The following IL1RAPL1 variants were observed in gnomAD, a reference collection of about 807,000 sequenced individuals.
IL1RAPL1 encodes interleukin 1 receptor accessory protein like 1.
IL1RAPL1 carries 3 observed loss-of-function variants against 48.4 expected under a neutral mutation model. The ratio of observed to expected loss-of-function variants is 0.06; its 90% CI spans 0.03 to 0.16. The LOEUF is 0.16. Among genes scored for constraint, IL1RAPL1 ranks in the 10% least tolerant of loss-of-function variants. IL1RAPL1 has a pLI of 1.00. For synonymous variants in IL1RAPL1, 185 were observed against 187.7 expected (o/e 0.99, Z 0.12); for missense variants, 349 against 530.6 (o/e 0.66, Z 3.36).
At chrX:29,012,836 G>T (rs1926154986) in intron 2 of IL1RAPL1, among the ~76,000 whole-genome samples, 1 of 111,729 alleles carries the variant, frequency 9.0e-6, no homozygotes, top group Non-Finnish European at 1.9e-5. Context: ...ACACAATTCT[G>T]ACTGAAAAAT....
At chrX:29,882,270 A>G (rs1249536539) in intron 6 of IL1RAPL1, among the ~76,000 whole-genome samples, 1 of 111,776 alleles carries the variant, frequency 8.9e-6, no homozygotes, top group Non-Finnish European at 1.9e-5. Flanking sequence ...TGCTGCTAAC[A>G]TGACGAGCTT....
chrX:29,633,614 C>A (rs1340435459), intron 5 of IL1RAPL1, among the ~76,000 whole-genome samples: 1 of 111,823 alleles, frequency 8.9e-6, no homozygotes, highest in East Asian at 2.8e-4. Context: ...GAAATTTATT[C>A]CCTCACAGTG....
chrX:29,312,451 T>C (rs749002784), intron 3 of IL1RAPL1, among the ~76,000 whole-genome samples: 34 of 111,349 alleles, frequency 3.1e-4, no homozygotes, highest in Non-Finnish European at 5.7e-4. Flanking sequence ...TGCCTTTGCA[T>C]TTTTATTTCT....
intron 5 of IL1RAPL1, among the ~76,000 whole-genome samples, chrX:29,583,147 A>G (rs1435450121): frequency 4.0e-5 from 4 of 100,923 alleles, no homozygotes; most frequent in African/African-American, 1.1e-4. Context: ...ATTCCCTTTG[A>G]AAACTGGCAC....
At chrX:29,837,202 G>T (rs1346559750) in intron 6 of IL1RAPL1, among the ~76,000 whole-genome samples, 1 of 98,464 alleles carries the variant, frequency 1.0e-5, no homozygotes. Context: ...TGGGGAGCTT[G>T]CATTGAGCCG....
At chrX:29,064,490 C>G in intron 2 of IL1RAPL1, among the ~76,000 whole-genome samples, 1 of 111,165 alleles carries the variant, frequency 9.0e-6, no homozygotes, top group Middle Eastern at 4.7e-3. Flanking sequence ...AAGAATAAAT[C>G]CATGATGTAT....
chrX:29,881,717 G>A (rs1376148935), intron 6 of IL1RAPL1, among the ~76,000 whole-genome samples: 2 of 110,956 alleles, frequency 1.8e-5, no homozygotes, highest in Non-Finnish European at 3.8e-5. Context: ...CACTCTTAAA[G>A]GTATTTTAAG....
chrX:29,736,886 T>C lies in IL1RAPL1; in HGVS notation c.778+68382T>C, dbSNP rs764473145. Among the ~76,000 whole-genome samples the C allele has an allele frequency of 1.9e-4, 21 of 111,787 alleles. No homozygotes were observed. The South Asian group carries it at 7.8e-3, about 42-fold the overall frequency. On this transcript the variant is annotated intron_variant, in intron 6 of 10. Coordinates refer to ENST00000378993, the MANE Select transcript of IL1RAPL1 (RefSeq NM_014271.4). ...AAAATGGACAAGTGCTTAAAAAATATGCACGTATCTTAAAGATTCTATAAG... is the reference window on the plus strand; with the variant it reads ...AAAATGGACAAGTGCTTAAAAAATACGCACGTATCTTAAAGATTCTATAAG...
intron 2 of IL1RAPL1, among the ~76,000 whole-genome samples, chrX:28,822,978 C>T (rs1936953137): frequency 9.0e-6 from 1 of 111,715 alleles, no homozygotes; most frequent in Non-Finnish European, 1.9e-5. Context: ...GTTCTTTTAA[C>T]CCAAGAGTTT....
chrX:28,607,130 A>G (rs993153313), intron 1 of IL1RAPL1, among the ~76,000 whole-genome samples: 23 of 108,841 alleles, frequency 2.1e-4, no homozygotes, highest in African/African-American at 6.7e-4. Context: ...AGTCTAATCA[A>G]ATACATTTAT....
At chrX:28,886,515 T>C (rs1412598384) in intron 2 of IL1RAPL1, among the ~76,000 whole-genome samples, 2 of 82,475 alleles carry the variant, frequency 2.4e-5, no homozygotes, top group Admixed American at 1.5e-4. Context: ...TGGAGCATTG[T>C]TGTTTTAAAA....
intron 6 of IL1RAPL1, among the ~76,000 whole-genome samples, chrX:29,840,118 G>A (rs1048624364): frequency 1.8e-5 from 2 of 111,777 alleles, no homozygotes; most frequent in African/African-American, 6.5e-5. Flanking sequence ...TGTCGATTAT[G>A]GCCATTGAAG....
At chrX:28,617,176 A>T (rs1277297690) in intron 1 of IL1RAPL1, among the ~76,000 whole-genome samples, 1 of 111,867 alleles carries the variant, frequency 8.9e-6, no homozygotes, top group Non-Finnish European at 1.9e-5. Flanking sequence ...AGATGTTAAC[A>T]TCCTTAGGTG....
At chrX:29,155,728 T>C (rs1929556027) in intron 2 of IL1RAPL1, among the ~76,000 whole-genome samples, 1 of 111,697 alleles carries the variant, frequency 9.0e-6, no homozygotes. Context: ...TTAAGTGAAT[T>C]GTAAGTTTCT....
At chrX:29,468,383 C>G (rs945920844) in intron 5 of IL1RAPL1, among the ~76,000 whole-genome samples, 4 of 111,863 alleles carry the variant, frequency 3.6e-5, no homozygotes, top group African/African-American at 1.3e-4. Context: ...AAAATCCAAC[C>G]AAATCTCTTA....
chrX:28,609,664 A>ACACACACAC (rs1569137648), intron 1 of IL1RAPL1, among the ~76,000 whole-genome samples: 9 of 70,694 alleles, frequency 1.3e-4, no homozygotes, highest in African/African-American at 3.7e-4. Context: ...CACACACACA[A>ACACACACAC]CATACCTACC....
intron 2 of IL1RAPL1, among the ~76,000 whole-genome samples, chrX:28,941,020 A>G (rs1451906338): frequency 9.1e-6 from 1 of 110,354 alleles, no homozygotes; most frequent in East Asian, 2.8e-4. Flanking sequence ...CTTTTCCTTT[A>G]TATTATTACT....
rs985068789 is a variant in IL1RAPL1 at position 28,640,735 on chromosome X, A to C, written c.-25+52688A>C. ...AGCCTCAGGAAATTAAAAAAAAAAAACTCATAACTAGTAAGTGGTTAAACT... is the reference window on the plus strand; with the variant it reads ...AGCCTCAGGAAATTAAAAAAAAAAACCTCATAACTAGTAAGTGGTTAAACT... On this transcript the variant is annotated intron_variant, in intron 1 of 10. Transcript: ENST00000378993. Among the ~76,000 whole-genome samples the C allele has an allele frequency of 3.9e-4, 40 of 103,699 alleles. No homozygotes were observed. The East Asian group carries it at 9.9e-3, about 26-fold the overall frequency. The allele number at this position is 103,699 out of a possible 115,157, so 90.1% of individuals were successfully genotyped here.
chrX:28,635,105 A>G (rs1934448812), intron 1 of IL1RAPL1, among the ~76,000 whole-genome samples: 1 of 112,194 alleles, frequency 8.9e-6, no homozygotes, highest in Admixed American at 9.5e-5. Flanking sequence ...TAATGTACCT[A>G]TTGCATGTGC....
Sources: gnomAD v4.1 joint callset for allele counts (sites outside exome capture counted in the v4.1 genomes callset) on GRCh38, gnomAD v4.1.1 for gene constraint, MANE v1.5 for transcripts, NCBI Gene and HGNC (gene_info 2026-07-23, HGNC 2026-07-21) for gene names.